The following FBXL17 variants were observed in gnomAD, a reference collection of about 807,000 sequenced individuals.
The protein encoded by FBXL17 is F-box/LRR-repeat protein 17.
FBXL17 carries 22 observed loss-of-function variants against 66.2 expected under a neutral mutation model. The observed-to-expected ratio is 0.33, with a 90% CI of 0.24 to 0.47. FBXL17 has a LOEUF of 0.47. Among genes scored for constraint, FBXL17 ranks in the 20% least tolerant of loss-of-function variants. FBXL17 has a pLI of 1.00. For missense variants in FBXL17, 878 were observed against 948.2 expected (o/e 0.93, Z 0.97); for synonymous variants, 474 against 400.5 (o/e 1.18, Z -2.19).
chr5:107,866,042 A>T (rs762571632), intron 8 of FBXL17, among the ~76,000 whole-genome samples: 1 of 152,136 alleles, frequency 6.6e-6, no homozygotes, highest in Non-Finnish European at 1.5e-5. Context: ...CTCTGTTCCA[A>T]CTCATAAAAT....
At chr5:108,299,362 T>C in intron 4 of FBXL17, 1 of 984,480 alleles carries the variant, frequency 1.0e-6, no homozygotes, top group Non-Finnish European at 1.2e-6. Flanking sequence ...ACATACATAG[T>C]ACAGTTTTCA....
rs994539833 is a variant in FBXL17, at chr5:108,381,494, G to A, written c.198C>T (p.His66=). The A allele has an allele frequency of 3.2e-5, 45 of 1,387,006 alleles. No individual in the cohort carries two copies. The highest frequency in any genetic ancestry group is 3.9e-5 in the Non-Finnish European group (42 of 1,081,414). The allele number at this position is 1,387,006 out of a possible 1,614,324, so 85.9% of individuals were successfully genotyped here. The change falls in exon 1 of 9, where the codon CAC becomes CAT. Residue 66 remains histidine (H), a synonymous_variant. Transcript: ENST00000542267. ...CGGCGGGGGCGGGCGCGCCGGGACT[G>A]TGCACGATGAAGCAGAGCATGCAGG... is the stretch of plus-strand genomic sequence containing the variant. ...RGPCMLCFIV[H]SPGAPAPAGP...
intron 4 of FBXL17, among the ~76,000 whole-genome samples, chr5:108,320,198 T>G (rs1278293576): frequency 1.3e-5 from 2 of 151,798 alleles, no homozygotes; most frequent in East Asian, 3.8e-4. Flanking sequence ...TTTGTTTTTG[T>G]CTTTTCATAT....
chr5:108,031,954 G>C (rs999711076), intron 6 of FBXL17, among the ~76,000 whole-genome samples: 1 of 152,068 alleles, frequency 6.6e-6, no homozygotes, highest in African/African-American at 2.4e-5. Flanking sequence ...CAAGGATTTT[G>C]TGAAGGTTAC....
chr5:108,375,776 A>G (rs1749381253), intron 1 of FBXL17, among the ~76,000 whole-genome samples: 1 of 152,200 alleles, frequency 6.6e-6, no homozygotes, highest in African/African-American at 2.4e-5. Flanking sequence ...CTCATGCTAT[A>G]AGGCCAGCAT....
At chr5:108,087,400 T>G (rs1412121496) in intron 6 of FBXL17, among the ~76,000 whole-genome samples, 2 of 152,090 alleles carry the variant, frequency 1.3e-5, no homozygotes, top group Admixed American at 1.3e-4. Context: ...CAACAGCCAC[T>G]GAGTGAGGCG....
intron 6 of FBXL17, among the ~76,000 whole-genome samples, chr5:108,131,928 A>G (rs1242825961): frequency 6.6e-6 from 1 of 152,076 alleles, no homozygotes. Context: ...CTAGGAGGAT[A>G]ACCATGAGTC....
intron 7 of FBXL17, among the ~76,000 whole-genome samples, chr5:107,900,406 T>C (rs1164713001): frequency 6.6e-6 from 1 of 152,188 alleles, no homozygotes. Context: ...AGTAATATCA[T>C]AAATATTTAT....
chr5:108,299,379 G>A (rs775055317), intron 4 of FBXL17: 150 of 982,240 alleles, frequency 1.5e-4, no homozygotes, highest in Non-Finnish European at 1.5e-4. Flanking sequence ...TTCAAACTAC[G>A]TTTTCATATC....
In FBXL17 at chr5:107,927,039, A is replaced by T. The variant is rs142137863; in HGVS notation, c.1823-45860T>A. ...TGAATGAGCAAGTTTTTAGAAAAAA[A>T]GTTAAACTTAAAGCTATATACAGAA... On this transcript the variant is annotated intron_variant, in intron 7 of 8. Coordinates refer to ENST00000542267, the MANE Select transcript of FBXL17 (RefSeq NM_001163315.3). 6.3e-3 allele frequency among the ~76,000 whole-genome samples: 957 copies of T among 152,290 alleles called. 13 individuals carry two copies. Among genetic ancestry groups the T allele is most frequent in the African/African-American group, 0.02 (846 of 41,578 alleles).
chr5:108,143,669 G>C (rs193278572), intron 6 of FBXL17, among the ~76,000 whole-genome samples: 1 of 145,470 alleles, frequency 6.9e-6, no homozygotes, highest in East Asian at 2.1e-4. Context: ...GAGCCCCTTA[G>C]CTGAGGTAAA....
chr5:107,945,912 T>C (rs1751263910), intron 7 of FBXL17, among the ~76,000 whole-genome samples: 1 of 152,090 alleles, frequency 6.6e-6, no homozygotes, highest in Non-Finnish European at 1.5e-5. Context: ...AACTCACTTT[T>C]AAGACAACCA....
chr5:108,365,028 T>G, intron 2 of FBXL17, 33 bp from the exon 3 acceptor site: 1 of 1,526,724 alleles, frequency 6.5e-7, no homozygotes, highest in Non-Finnish European at 8.9e-7. Context: ...TTTAAACTTT[T>G]GCTAAAAATA....
At chr5:107,935,121 T>C (rs1258201984) in intron 7 of FBXL17, among the ~76,000 whole-genome samples, 1 of 152,094 alleles carries the variant, frequency 6.6e-6, no homozygotes, top group African/African-American at 2.4e-5. Context: ...AGAAGTCATA[T>C]TTTATGTATT....
At chr5:108,251,740 C>T (rs536835164) in intron 4 of FBXL17, among the ~76,000 whole-genome samples, 50 of 152,104 alleles carry the variant, frequency 3.3e-4, no homozygotes, top group East Asian at 3.9e-4. Flanking sequence ...ATAAACTCTT[C>T]GTAAAGCTCA....
At chr5:108,352,059 T>C (rs1031567115) in intron 3 of FBXL17, among the ~76,000 whole-genome samples, 10 of 152,362 alleles carry the variant, frequency 6.6e-5, no homozygotes, top group African/African-American at 2.4e-4. Context: ...ACCATGTGGA[T>C]GGCATATGCA....
At chr5:108,108,493 G>A (rs1004448321) in intron 6 of FBXL17, among the ~76,000 whole-genome samples, 6 of 152,140 alleles carry the variant, frequency 3.9e-5, no homozygotes, top group Non-Finnish European at 7.3e-5. Flanking sequence ...CACGTTTAAA[G>A]GTTTGATAGA....
At chr5:108,223,138 G>A (rs889590687) in intron 5 of FBXL17, among the ~76,000 whole-genome samples, 8 of 152,036 alleles carry the variant, frequency 5.3e-5, no homozygotes, top group South Asian at 2.1e-4. Flanking sequence ...TTATAATGGC[G>A]CCCAGGGTCC....
Position 108,017,046 on chromosome 5 carries a change from T to C in FBXL17, c.1822+3879A>G, listed in dbSNP as rs141560139. Among the ~76,000 whole-genome samples the C allele has an allele frequency of 1.9e-3, 282 of 152,264 alleles. 2 individuals carry two copies. The highest frequency in any genetic ancestry group is 6.5e-3 in the African/African-American group (270 of 41,556). ...CACCTACCTCGGCCTCCCAAAGTGCTGGGATTACAGGGATGAGCCACTATG... is the reference window on the plus strand; with the variant it reads ...CACCTACCTCGGCCTCCCAAAGTGCCGGGATTACAGGGATGAGCCACTATG... On this transcript the variant is annotated intron_variant, in intron 7 of 8. Transcript: ENST00000542267.
Sources: allele counts gnomAD v4.1 joint callset (sites outside exome capture counted in the v4.1 genomes callset), GRCh38; gene constraint gnomAD v4.1.1; transcripts MANE v1.5; gene names NCBI Gene and HGNC (gene_info 2026-07-23, HGNC 2026-07-21).